LMCD1: variants seen among roughly 807,000 people sequenced by gnomAD.
LMCD1 encodes LIM and cysteine rich domains 1.
Under a neutral mutation model 42.7 loss-of-function variants are expected in LMCD1, and 32 were observed. The observed-to-expected ratio is 0.75, with a 90% CI of 0.57 to 1.01. LMCD1 has a LOEUF of 1.01. Among genes scored for constraint, LMCD1 ranks in the 50% least tolerant of loss-of-function variants. LMCD1 has a pLI of 0.00. For missense variants in LMCD1, 458 were observed against 483.1 expected (o/e 0.95, Z 0.49); for synonymous variants, 178 against 184.9 (o/e 0.96, Z 0.30).
At chr3:8,540,855 A>G (rs1393696144) in intron 3 of LMCD1, among the ~76,000 whole-genome samples, 1 of 152,200 alleles carries the variant, frequency 6.6e-6, no homozygotes, top group Non-Finnish European at 1.5e-5. Context: ...TGAGGAGCCA[A>G]TGCAGGGGTG....
chr3:8,509,478 C>G (rs756737362), intron 1 of LMCD1, among the ~76,000 whole-genome samples: 5 of 152,176 alleles, frequency 3.3e-5, no homozygotes, highest in African/African-American at 9.7e-5. Context: ...TCACTCATTT[C>G]TTTATATAGC....
intron 3 of LMCD1, among the ~76,000 whole-genome samples, chr3:8,544,671 C>G (rs1694699168): frequency 6.6e-6 from 1 of 152,212 alleles, no homozygotes; most frequent in Admixed American, 6.5e-5. Context: ...TAAAATCAGA[C>G]AGCAACAGGG....
At chr3:8,564,237 T>G (rs974935223) in intron 4 of LMCD1, among the ~76,000 whole-genome samples, 2 of 152,182 alleles carry the variant, frequency 1.3e-5, no homozygotes, top group Admixed American at 1.3e-4. Flanking sequence ...TTTTGCAATT[T>G]TTCTGTAACT....
chr3:8,541,221 C>T (rs1166486594), intron 3 of LMCD1, among the ~76,000 whole-genome samples: 1 of 152,140 alleles, frequency 6.6e-6, no homozygotes, highest in Non-Finnish European at 1.5e-5. Context: ...CCCAAGATGT[C>T]CCGACCAGGT....
intron 1 of LMCD1, among the ~76,000 whole-genome samples, chr3:8,505,304 G>A (rs933619713): frequency 1.3e-5 from 2 of 152,160 alleles, no homozygotes; most frequent in Admixed American, 6.5e-5. Context: ...CTCACCCAAC[G>A]GGTGCAAAAT....
chr3:8,550,348 A>G (rs1417007203), intron 4 of LMCD1: 11 of 992,342 alleles, frequency 1.1e-5, no homozygotes, highest in Non-Finnish European at 1.2e-5. Flanking sequence ...AGCACACGAG[A>G]TCCCCAAGCA....
chr3:8,510,150 T>G (rs963617532), intron 1 of LMCD1, among the ~76,000 whole-genome samples: 1 of 152,168 alleles, frequency 6.6e-6, no homozygotes, highest in African/African-American at 2.4e-5. Context: ...CAGTGGCGTT[T>G]CTAGGTACTG....
intron 2 of LMCD1, among the ~76,000 whole-genome samples, chr3:8,533,642 A>G (rs928540609): frequency 3.3e-5 from 5 of 152,348 alleles, no homozygotes; most frequent in East Asian, 1.9e-4. Context: ...GATGGGAATT[A>G]TAAAAATAAC....
At chr3:8,564,925 A>C (rs1695099784) in intron 4 of LMCD1, among the ~76,000 whole-genome samples, 1 of 152,240 alleles carries the variant, frequency 6.6e-6, no homozygotes, top group Non-Finnish European at 1.5e-5. Context: ...AATCTTCTGC[A>C]AGTCATTGAA....
intron 1 of LMCD1, among the ~76,000 whole-genome samples, chr3:8,512,241 A>C (rs1272005091): frequency 6.6e-6 from 1 of 152,234 alleles, no homozygotes; most frequent in Non-Finnish European, 1.5e-5. Context: ...GGTTAACAAG[A>C]TCTGGAATCT....
intron 4 of LMCD1, among the ~76,000 whole-genome samples, chr3:8,562,456 G>T (rs1294478831): frequency 6.6e-6 from 1 of 152,200 alleles, no homozygotes; most frequent in Non-Finnish European, 1.5e-5. Flanking sequence ...AGAGCCAAGG[G>T]CGGCAGTTTG....
chr3:8,517,401 A>G (rs1040709174), intron 1 of LMCD1, among the ~76,000 whole-genome samples: 2 of 152,250 alleles, frequency 1.3e-5, no homozygotes, highest in Admixed American at 1.3e-4. Context: ...TCCAAAACTG[A>G]AAAGTATTCA....
intron 1 of LMCD1, among the ~76,000 whole-genome samples, chr3:8,526,882 C>T (rs1006065628): frequency 3.3e-5 from 5 of 152,160 alleles, no homozygotes; most frequent in Admixed American, 1.3e-4. Flanking sequence ...CCTAAAGAGT[C>T]GGCAGGTTTT....
chr3:8,563,303 T>G (rs1018426855), intron 4 of LMCD1, among the ~76,000 whole-genome samples: 1 of 152,194 alleles, frequency 6.6e-6, no homozygotes, highest in Non-Finnish European at 1.5e-5. Flanking sequence ...GATCTTTAAG[T>G]CTCACATCTG....
Position 8,568,809 on chromosome 3 carries a change from A to G in LMCD1, c.*1211A>G, listed in dbSNP as rs1026009114. ...TACTGGGAGTATAAGGATGAAAAAG[A>G]CACAAGTCCTAGGAGCTTACGGTCT... is the stretch of plus-strand genomic sequence containing the variant. On this transcript the variant is annotated 3_prime_UTR_variant, in exon 6 of 6. Transcript: ENST00000157600. 6.6e-6 allele frequency: 1 copy of G among 152,214 alleles called. No individual in the cohort carries two copies. Among genetic ancestry groups the G allele is most frequent in the African/African-American group, 2.4e-5 (1 of 41,452 alleles). 9.4% of individuals were successfully genotyped at this position (152,214 alleles called of 1,614,324 possible). A position where few individuals can be genotyped will look rare whatever the true frequency, so the allele number is the denominator to read the frequency against.
At chr3:8,519,139 C>T (rs1475673448) in intron 1 of LMCD1, among the ~76,000 whole-genome samples, 1 of 152,160 alleles carries the variant, frequency 6.6e-6, no homozygotes, top group East Asian at 1.9e-4. Context: ...ATGGAGCTTA[C>T]AGTCTAGCAG....
At chr3:8,548,963 C>T (rs965380786) in intron 4 of LMCD1, 60 bp downstream of exon 4, 2 of 1,295,958 alleles carry the variant, frequency 1.5e-6, no homozygotes, top group Non-Finnish European at 2.1e-6. Flanking sequence ...GCTGGACAGT[C>T]AGGGCCCCAT....
At chr3:8,547,274 G>T (rs1231911159) in intron 3 of LMCD1, among the ~76,000 whole-genome samples, 1 of 152,198 alleles carries the variant, frequency 6.6e-6, no homozygotes, top group African/African-American at 2.4e-5. Flanking sequence ...GGCTGGCCCA[G>T]TCACAGGAGA....
chr3:8,518,479 A>C (rs150308719), intron 1 of LMCD1, among the ~76,000 whole-genome samples: 65 of 152,310 alleles, frequency 4.3e-4, no homozygotes, highest in African/African-American at 1.6e-3. Context: ...CACAAACTAG[A>C]AACGGACCAC....
Sources: allele counts gnomAD v4.1 joint callset (sites outside exome capture counted in the v4.1 genomes callset), GRCh38; gene constraint gnomAD v4.1.1; transcripts MANE v1.5; gene names NCBI Gene and HGNC (gene_info 2026-07-23, HGNC 2026-07-21).